Variants in FAM135B observed in about 807,000 individuals in gnomAD.
The protein encoded by FAM135B is family with sequence similarity 135 member B.
In FAM135B, 43 loss-of-function variants were observed where a neutral mutation model predicts 127.7. The observed-to-expected ratio is 0.34, with a 90% CI of 0.26 to 0.43. FAM135B has a LOEUF of 0.43. Ranked by LOEUF, FAM135B falls within the 20% of genes least tolerant of loss-of-function variation. The pLI, the probability that FAM135B is intolerant of heterozygous loss-of-function variation, is 1.00. For missense variants in FAM135B, 1,558 were observed against 1,725.6 expected, an observed-to-expected ratio of 0.90 and a Z score of 1.72; for synonymous variants, 670 against 665.1, an observed-to-expected ratio of 1.01 and a Z score of -0.11.
intron 3 of FAM135B, among the ~76,000 whole-genome samples, chr8:138,297,258 C>T: frequency 6.6e-6 from 1 of 152,162 alleles, no homozygotes; most frequent in Non-Finnish European, 1.5e-5. Flanking sequence ...GAGCCGCTGC[C>T]GTTTGAATAT....
chr8:138,461,671 ACT>A (rs1564021264), intron 1 of FAM135B, among the ~76,000 whole-genome samples: 1 of 152,128 alleles, frequency 6.6e-6, no homozygotes, highest in Non-Finnish European at 1.5e-5. Context: ...GAATAGGATC[ACT>A]CTCTGATAAA....
At chr8:138,406,741 G>A (rs1833522349) in intron 1 of FAM135B, among the ~76,000 whole-genome samples, 1 of 150,844 alleles carries the variant, frequency 6.6e-6, no homozygotes, top group African/African-American at 2.4e-5. Context: ...AATAAATTAG[G>A]TATTGATGGG....
At chr8:138,308,227 C>G (rs1003252295) in intron 3 of FAM135B, among the ~76,000 whole-genome samples, 1 of 152,226 alleles carries the variant, frequency 6.6e-6, no homozygotes, top group Admixed American at 6.5e-5. Flanking sequence ...TGTCGCTCAT[C>G]TGGTGCAGCC....
chr8:138,256,287 A>G (rs1183686788), intron 5 of FAM135B, among the ~76,000 whole-genome samples: 1 of 152,204 alleles, frequency 6.6e-6, no homozygotes, highest in African/African-American at 2.4e-5. Context: ...ATAATAGCAG[A>G]TATGTCGCAC....
chr8:138,187,039 G>A (rs1190914390), intron 9 of FAM135B, among the ~76,000 whole-genome samples: 1 of 152,184 alleles, frequency 6.6e-6, no homozygotes, highest in Non-Finnish European at 1.5e-5. Flanking sequence ...GATAGAGCCT[G>A]GTGAACCATG....
intron 1 of FAM135B, among the ~76,000 whole-genome samples, chr8:138,373,058 T>C (rs1831246138): frequency 1.3e-5 from 2 of 152,230 alleles, no homozygotes; most frequent in Admixed American, 1.3e-4. Context: ...ATTTGATTGA[T>C]GAGGAAAAAA....
chr8:138,281,584 C>A (rs1172903481), intron 3 of FAM135B, among the ~76,000 whole-genome samples: 3 of 152,062 alleles, frequency 2.0e-5, no homozygotes, highest in African/African-American at 7.2e-5. Flanking sequence ...TTGTTCCACT[C>A]CTCCCCCTTG....
chr8:138,275,523 A>AT (rs1191958509), intron 3 of FAM135B, among the ~76,000 whole-genome samples: 4 of 151,704 alleles, frequency 2.6e-5, no homozygotes, highest in Admixed American at 1.3e-4. Flanking sequence ...TATCGCTATA[A>AT]TTTTTTTTGT....
chr8:138,334,434 G>T (rs7812736), intron 2 of FAM135B, among the ~76,000 whole-genome samples: 134,996 of 152,206 alleles, frequency 0.89, 61,308 homozygotes, highest in Non-Finnish European at 0.98. Flanking sequence ...GTGCAGGTTT[G>T]TTACACAGGA....
At chr8:138,313,134 C>A (rs962486662) in intron 2 of FAM135B, among the ~76,000 whole-genome samples, 1 of 151,896 alleles carries the variant, frequency 6.6e-6, no homozygotes, top group Non-Finnish European at 1.5e-5. Context: ...TAAAATTATT[C>A]ATTTTTTCTT....
In FAM135B at chr8:138,242,513, A is replaced by G. The variant is rs562968122; in HGVS notation, c.669+429T>C. Among the ~76,000 whole-genome samples the G allele has an allele frequency of 6.6e-6, 1 of 152,242 alleles. No individual in the cohort carries two copies. Among genetic ancestry groups the G allele is most frequent in the East Asian group, 1.9e-4 (1 of 5,168 alleles). On this transcript the variant is annotated intron_variant, in intron 7 of 19. Coordinates refer to ENST00000395297, the MANE Select transcript of FAM135B (RefSeq NM_015912.4). The surrounding 1 kb of genome is among the most constrained non-coding windows in gnomAD (Gnocchi z 9.6). ...AACATTTGGGTACATATAACACTCC[A>G]TGAGATTATTAGCTATTGGGGAGCC...
At chr8:138,377,758 G>T (rs1831576219) in intron 1 of FAM135B, among the ~76,000 whole-genome samples, 2 of 152,196 alleles carry the variant, frequency 1.3e-5, no homozygotes, top group Non-Finnish European at 2.9e-5. Flanking sequence ...CTGTGAGAAT[G>T]TGCTGCCTTT....
intron 2 of FAM135B, 88 bp from the exon 3 acceptor site, chr8:138,311,008 T>C (rs1025926898): frequency 9.1e-6 from 9 of 987,636 alleles, no homozygotes; most frequent in African/African-American, 1.6e-5. Context: ...CTGAAAGCCA[T>C]AGGAAATCAG....
At chr8:138,492,231 T>C (rs899345383) in intron 1 of FAM135B, among the ~76,000 whole-genome samples, 3 of 152,100 alleles carry the variant, frequency 2.0e-5, no homozygotes, top group Admixed American at 6.5e-5. Context: ...GTATCAACCA[T>C]GACCCCTCCT....
rs1420019098 is a variant in FAM135B, at chr8:138,166,170, T to C, written c.1258+1725A>G. ...CAGATTCTCTCTGTGGCATTGAGTT[T>C]GTGAGGTTGTTTATAGGATTAAAGA... On this transcript the variant is annotated intron_variant, in intron 12 of 19. Coordinates refer to ENST00000395297, the MANE Select transcript of FAM135B (RefSeq NM_015912.4). 9.2e-5 allele frequency among the ~76,000 whole-genome samples: 14 copies of C among 152,348 alleles called. No individual in the cohort carries two copies. The East Asian group carries it at 2.3e-3, about 25-fold the overall frequency.
intron 2 of FAM135B, among the ~76,000 whole-genome samples, chr8:138,355,995 G>A (rs1253568066): frequency 6.6e-6 from 1 of 152,100 alleles, no homozygotes; most frequent in Non-Finnish European, 1.5e-5. Flanking sequence ...TAAAAGGCCT[G>A]GAGGGAACTA....
At chr8:138,184,766 T>C (rs1197742965) in intron 9 of FAM135B, among the ~76,000 whole-genome samples, 1 of 151,708 alleles carries the variant, frequency 6.6e-6, no homozygotes, top group Non-Finnish European at 1.5e-5. Flanking sequence ...CCAGTGAAGG[T>C]TTAGAGTTCA....
At chr8:138,319,981 T>A (rs1827344415) in intron 2 of FAM135B, among the ~76,000 whole-genome samples, 1 of 152,086 alleles carries the variant, frequency 6.6e-6, no homozygotes, top group African/African-American at 2.4e-5. Flanking sequence ...CCATTGCTGA[T>A]CACCAGCCAA....
At chr8:138,258,171 A>G (rs1204470848) in intron 4 of FAM135B, among the ~76,000 whole-genome samples, 1 of 152,238 alleles carries the variant, frequency 6.6e-6, no homozygotes, top group African/African-American at 2.4e-5. Context: ...GAAAGTATCA[A>G]TGCATCTTTG....
Sources: allele counts gnomAD v4.1 joint callset (sites outside exome capture counted in the v4.1 genomes callset), GRCh38; gene constraint gnomAD v4.1.1; non-coding constraint Gnocchi (gnomAD v3.1); transcripts MANE v1.5; gene names NCBI Gene and HGNC (gene_info 2026-07-23, HGNC 2026-07-21).